The following EDNRA variants were observed in gnomAD, a reference collection of about 807,000 sequenced individuals.
EDNRA encodes endothelin-1 receptor.
EDNRA carries 11 observed loss-of-function variants against 41.4 expected under a neutral mutation model. The ratio of observed to expected loss-of-function variants is 0.27; its 90% CI spans 0.17 to 0.44. The LOEUF is 0.44. EDNRA is among the 20% of genes least tolerant of loss of function. EDNRA has a pLI of 1.00. For synonymous variants in EDNRA, 172 were observed against 183.0 expected (o/e 0.94, Z 0.49); for missense variants, 294 against 531.0 (o/e 0.55, Z 4.39).
At chr4:147,541,816 A>C (rs148440535) in intron 7 of EDNRA, among the ~76,000 whole-genome samples, 5 of 152,308 alleles carry the variant, frequency 3.3e-5, no homozygotes, top group African/African-American at 1.2e-4. Context: ...TGCAGGTTAA[A>C]ATTAGTACAT....
Position 147,543,827 on chromosome 4 carries a change from C to T in EDNRA, c.*1209C>T, listed in dbSNP as rs201293932. On this transcript the variant is annotated 3_prime_UTR_variant, in exon 8 of 8. Coordinates refer to ENST00000651419, the MANE Select transcript of EDNRA (RefSeq NM_001957.4). ...TACCCACAAATGCCACCAGAACTTACGATTCTTCACTTCTTGGGGTTTTCA... is the reference window on the plus strand; with the variant it reads ...TACCCACAAATGCCACCAGAACTTATGATTCTTCACTTCTTGGGGTTTTCA... The T allele has an allele frequency of 3.4e-5, 5 of 146,180 alleles. No homozygotes were observed. Among genetic ancestry groups the T allele is most frequent in the Admixed American group, 7.0e-5 (1 of 14,368 alleles). 9.1% of individuals were successfully genotyped at this position (146,180 alleles called of 1,614,324 possible). A position where few individuals can be genotyped will look rare whatever the true frequency, so the allele number is the denominator to read the frequency against.
chr4:147,542,788 C>A lies in EDNRA; in HGVS notation c.*170C>A. 1 of 727,304 alleles carries A rather than the reference C, an allele frequency of 1.4e-6. No homozygotes were observed. The highest frequency in any genetic ancestry group is 2.2e-6 in the Non-Finnish European group (1 of 464,766). The allele number at this position is 727,304 out of a possible 1,614,324, so 45.1% of individuals were successfully genotyped here. On this transcript the variant is annotated 3_prime_UTR_variant, in exon 8 of 8. Transcript: ENST00000651419. ...AAGGGTAGACTGGTTTATCCACCCA[C>A]AACATCTACGAATCGTACTTCTTTA... is the stretch of plus-strand genomic sequence containing the variant.
intron 2 of EDNRA, among the ~76,000 whole-genome samples, chr4:147,505,026 A>C (rs1729643133): frequency 6.6e-6 from 1 of 150,992 alleles, no homozygotes; most frequent in African/African-American, 2.4e-5. Context: ...CAATGGTAAA[A>C]AAAATGAATA....
chr4:147,510,769 T>C (rs1729891908), intron 2 of EDNRA, among the ~76,000 whole-genome samples: 1 of 152,138 alleles, frequency 6.6e-6, no homozygotes, highest in Non-Finnish European at 1.5e-5. Context: ...CCTTAATCTT[T>C]TTAGGTAGAA....
chr4:147,491,315 G>C (rs1420443613), intron 2 of EDNRA: 3 of 152,194 alleles, frequency 2.0e-5, no homozygotes, highest in Admixed American at 2.0e-4. Context: ...TGTTCACACA[G>C]CCTTTGACAT....
At chr4:147,539,111 T>A (rs1237097489) in intron 5 of EDNRA, among the ~76,000 whole-genome samples, 1 of 152,006 alleles carries the variant, frequency 6.6e-6, no homozygotes, top group Admixed American at 6.6e-5. Context: ...TTTCTAGTCA[T>A]CACTGCTGAT....
intron 2 of EDNRA, among the ~76,000 whole-genome samples, chr4:147,509,908 C>T (rs1035156194): frequency 5.3e-5 from 8 of 152,078 alleles, no homozygotes; most frequent in African/African-American, 1.4e-4. Context: ...ATGTAATATG[C>T]TTGAGTCATC....
At chr4:147,483,868 C>T (rs1431360751) in intron 1 of EDNRA, among the ~76,000 whole-genome samples, 3 of 152,002 alleles carry the variant, frequency 2.0e-5, no homozygotes, top group East Asian at 3.9e-4. Flanking sequence ...TACAGGCACA[C>T]GCCACCATGC....
At position 147,504,957 on chromosome 4, in the gene EDNRA, C is replaced by CAAAAA. The variant is rs57911108; in HGVS notation, c.421-14878_421-14874dup. Among the ~76,000 whole-genome samples, 270 of 39,036 alleles carry CAAAAA rather than the reference C, an allele frequency of 6.9e-3. 28 individuals carry two copies. Among genetic ancestry groups the CAAAAA allele is most frequent in the African/African-American group, 0.03 (252 of 8,446 alleles). 25.6% of individuals were successfully genotyped at this position (39,036 alleles called of 152,430 possible). A position where few individuals can be genotyped will look rare whatever the true frequency, so the allele number is the denominator to read the frequency against. On this transcript the variant is annotated intron_variant, in intron 2 of 7. Transcript: ENST00000651419. ...TGGGCAACAAAGTGGGACCCTGTCTCAAAAAAAAAAAAAAAAAAAAGGATT... is the reference window on the plus strand; with the variant it reads ...TGGGCAACAAAGTGGGACCCTGTCTCAAAAAAAAAAAAAAAAAAAAAAAAAGGATT...
intron 1 of EDNRA, among the ~76,000 whole-genome samples, chr4:147,483,797 G>A (rs984473845): frequency 6.7e-6 from 1 of 150,054 alleles, no homozygotes; most frequent in African/African-American, 2.5e-5. Context: ...ATAGCTCCCT[G>A]CAGCCTTAAC....
Position 147,535,857 on chromosome 4 carries a change from T to TC in EDNRA, c.748-20_748-19insC, listed in dbSNP as rs1553981635. On this transcript the variant is annotated intron_variant, in intron 4 of 7. Transcript: ENST00000651419. ...TGACTCTGCTCCTCCTTTTCTCTTT[T>TC]TTTTTTTTTCACTTTGAAGTTCTAC... 6.3e-7 allele frequency: 1 copy of TC among 1,599,506 alleles called. No individual in the cohort carries two copies. The highest frequency in any genetic ancestry group is 8.5e-7 in the Non-Finnish European group (1 of 1,172,718).
chr4:147,513,733 T>C (rs536292229), intron 2 of EDNRA, among the ~76,000 whole-genome samples: 2 of 152,330 alleles, frequency 1.3e-5, no homozygotes, highest in East Asian at 3.9e-4. Context: ...AAGGTTTTCC[T>C]TGCTTTGAGG....
At position 147,542,625 on chromosome 4, in the gene EDNRA, T is replaced by A; in HGVS notation, c.*7T>A. ...TAAGGACAGCATGAACTGACCACCC[T>A]TAGAAGCACTCCTCGGTACTCCCAT... On this transcript the variant is annotated 3_prime_UTR_variant, in exon 8 of 8. Coordinates refer to ENST00000651419, the MANE Select transcript of EDNRA (RefSeq NM_001957.4). 1 of 1,613,520 alleles carries A rather than the reference T, an allele frequency of 6.2e-7. No individual in the cohort carries two copies.
chr4:147,493,559 A>G (rs1176179697), intron 2 of EDNRA: 3 of 152,180 alleles, frequency 2.0e-5, no homozygotes, highest in African/African-American at 7.2e-5. Flanking sequence ...AAATTCTACA[A>G]CTGCCTTCTG....
Position 147,542,561 on chromosome 4 carries a change from C to A in EDNRA, c.1227C>A (p.Asn409Lys). 1 of 1,614,122 alleles carries A rather than the reference C, an allele frequency of 6.2e-7. No individual in the cohort carries two copies. Among genetic ancestry groups the A allele is most frequent in the Middle Eastern group, 1.6e-4 (1 of 6,062 alleles). ...PMNGTSIQWK[N>K]HDQNNHNTDR... Reference sequence around the variant, plus strand: ...ACGGAACAAGCATCCAGTGGAAGAACCACGATCAAAACAACCACAACACAG... The same window carrying A: ...ACGGAACAAGCATCCAGTGGAAGAAACACGATCAAAACAACCACAACACAG... The change falls in exon 8 of 8, where the codon AAC (asparagine) becomes AAA (lysine). Residue 409 changes from asparagine to lysine, a missense_variant. Around this residue, in one of 3 missense-constraint regions of EDNRA, gnomAD observed 185 missense variants for 390.8 expected, o/e 0.47. Transcript: ENST00000651419.
intron 7 of EDNRA, 100 bp downstream of exon 7, chr4:147,540,585 C>A: frequency 2.7e-6 from 2 of 750,886 alleles, no homozygotes; most frequent in Non-Finnish European, 2.1e-6. Flanking sequence ...CTTTGATCAG[C>A]TATACTACTT....
intron 7 of EDNRA, among the ~76,000 whole-genome samples, chr4:147,541,938 C>T (rs1731117022): frequency 6.6e-6 from 1 of 152,116 alleles, no homozygotes; most frequent in African/African-American, 2.4e-5. Flanking sequence ...ATGAATCTTC[C>T]TAAAAAGGCA....
chr4:147,521,087 T>A (rs1730308861), intron 3 of EDNRA, among the ~76,000 whole-genome samples: 1 of 151,922 alleles, frequency 6.6e-6, no homozygotes, highest in South Asian at 2.1e-4. Flanking sequence ...GAAAACCCCA[T>A]CTCTACCAAA....
intron 2 of EDNRA, chr4:147,490,147 T>TCACACACACACACACACA (rs35106938): frequency 7.1e-6 from 1 of 140,792 alleles, no homozygotes; most frequent in Admixed American, 7.1e-5. Flanking sequence ...TTACATACAC[T>TCACACACACACACACACA]CACACACACA....
Sources: gnomAD v4.1 joint callset for allele counts (sites outside exome capture counted in the v4.1 genomes callset) on GRCh38, gnomAD v4.1.1 for gene constraint, gnomAD v4.1.1 regional missense constraint, MANE v1.5 for transcripts, NCBI Gene and HGNC (gene_info 2026-07-23, HGNC 2026-07-21) for gene names.